MRRF: variants seen among roughly 807,000 people sequenced by gnomAD.
MRRF encodes ribosome-recycling factor, mitochondrial.
Under a neutral mutation model 25.1 loss-of-function variants are expected in MRRF, and 18 were observed. The ratio of observed to expected loss-of-function variants is 0.72; its 90% CI spans 0.50 to 1.06. The LOEUF is 1.06. MRRF is among the 50% of genes least tolerant of loss of function. The pLI is 0.00. For missense variants in MRRF, 323 were observed against 319.3 expected (o/e 1.01, Z -0.09); for synonymous variants, 113 against 112.1 (o/e 1.01, Z -0.05).
intron 4 of MRRF, among the ~76,000 whole-genome samples, chr9:122,289,569 T>A (rs915891009): frequency 6.6e-6 from 1 of 151,912 alleles, no homozygotes; most frequent in Non-Finnish European, 1.5e-5. Flanking sequence ...CAATGGAGAT[T>A]CTCTCTTTAT....
intron 2 of MRRF, among the ~76,000 whole-genome samples, chr9:122,277,445 T>C (rs1832842729): frequency 6.6e-6 from 1 of 152,228 alleles, no homozygotes; most frequent in South Asian, 2.1e-4. Context: ...TATATTCAGC[T>C]AGATTTTTAA....
At chr9:122,276,082 A>AT (rs915642629) in intron 2 of MRRF, among the ~76,000 whole-genome samples, 47 of 142,410 alleles carry the variant, frequency 3.3e-4, no homozygotes, top group East Asian at 1.4e-3. Context: ...TAATTTTTGT[A>AT]TTTTTTTTTT....
At chr9:122,300,677 C>T (rs962406285) in intron 5 of MRRF, among the ~76,000 whole-genome samples, 2 of 152,162 alleles carry the variant, frequency 1.3e-5, no homozygotes, top group Non-Finnish European at 2.9e-5. Flanking sequence ...TCCTTCTCTT[C>T]CTCACTAACC....
chr9:122,309,070 C>G (rs577780863), intron 5 of MRRF, among the ~76,000 whole-genome samples: 1 of 152,204 alleles, frequency 6.6e-6, no homozygotes, highest in Non-Finnish European at 1.5e-5. Context: ...CTGGTAACTA[C>G]TATTCTACTT....
chr9:122,307,808 G>GC (rs1181392744), intron 5 of MRRF, among the ~76,000 whole-genome samples: 2 of 152,106 alleles, frequency 1.3e-5, no homozygotes, highest in East Asian at 3.9e-4. Flanking sequence ...ACATTTTAAA[G>GC]CCCCCTTCAA....
rs1055650275 is a variant in MRRF at position 122,327,563 on chromosome 9, T to C, written c.*4946T>C. 3.3e-5 allele frequency: 5 copies of C among 152,246 alleles called. No homozygotes were observed. Among genetic ancestry groups the C allele is most frequent in the African/African-American group, 1.2e-4 (5 of 41,476 alleles). 9.4% of individuals were successfully genotyped at this position (152,246 alleles called of 1,614,324 possible). ...TAGAGTATGTTGTTTAGGTTTTCCA[T>C]TATTTTTTGACCCTTTGATGAGTCT... On this transcript the variant is annotated 3_prime_UTR_variant, in exon 7 of 7. Coordinates refer to ENST00000344641, the MANE Select transcript of MRRF (RefSeq NM_138777.5).
At chr9:122,284,734 C>G (rs1833279141) in intron 3 of MRRF, among the ~76,000 whole-genome samples, 1 of 152,150 alleles carries the variant, frequency 6.6e-6, no homozygotes, top group East Asian at 1.9e-4. Flanking sequence ...GTGAAAGCCC[C>G]TTGTACACTC....
chr9:122,291,590 G>A (rs750300569), intron 4 of MRRF, among the ~76,000 whole-genome samples, 159 bp from the exon 5 acceptor site: 1 of 152,150 alleles, frequency 6.6e-6, no homozygotes, highest in Non-Finnish European at 1.5e-5. Flanking sequence ...TATTCAGCTT[G>A]ATCAAAGCAC....
At chr9:122,293,773 T>C (rs1245969321) in intron 5 of MRRF, among the ~76,000 whole-genome samples, 2 of 152,160 alleles carry the variant, frequency 1.3e-5, no homozygotes, top group Non-Finnish European at 2.9e-5. Context: ...ATGTATGCCT[T>C]CATGGAGCTC....
chr9:122,287,146 C>G (rs1043359721), intron 4 of MRRF, among the ~76,000 whole-genome samples: 1 of 152,256 alleles, frequency 6.6e-6, no homozygotes, highest in African/African-American at 2.4e-5. Context: ...ACTAAGTTCT[C>G]CTATACAGCA....
At chr9:122,291,078 T>C (rs989746345) in intron 4 of MRRF, among the ~76,000 whole-genome samples, 1 of 152,110 alleles carries the variant, frequency 6.6e-6, no homozygotes, top group Non-Finnish European at 1.5e-5. Context: ...CTCTCTGAGG[T>C]TTAGGGACCA....
intron 5 of MRRF, among the ~76,000 whole-genome samples, chr9:122,309,979 G>A (rs1027491864): frequency 3.9e-5 from 6 of 152,138 alleles, no homozygotes; most frequent in Non-Finnish European, 8.8e-5. Context: ...AGATGCTTCA[G>A]GGCTTCCAAA....
At chr9:122,285,468 A>G in intron 4 of MRRF, 181 bp downstream of exon 4, 1 of 647,254 alleles carries the variant, frequency 1.5e-6, no homozygotes, top group East Asian at 2.9e-5. Context: ...TGTTAAACTC[A>G]GATGCTACAG....
intron 5 of MRRF, among the ~76,000 whole-genome samples, chr9:122,298,941 G>C (rs1400212666): frequency 1.3e-5 from 2 of 152,076 alleles, no homozygotes; most frequent in African/African-American, 4.8e-5. Flanking sequence ...TACTTGCAGA[G>C]AATTGAGGGA....
chr9:122,267,456 C>CCAGGCATTGTACTGTGTGT (rs1426473820), intron 1 of MRRF, among the ~76,000 whole-genome samples: 4 of 151,826 alleles, frequency 2.6e-5, no homozygotes, highest in Non-Finnish European at 5.9e-5. Context: ...CTACTGGATG[C>CCAGGCATTGTACTGTGTGT]CAGGCATTGT....
chr9:122,265,725 G>T, intron 1 of MRRF: 3 of 1,286,762 alleles, frequency 2.3e-6, no homozygotes, highest in Non-Finnish European at 3.0e-6. Context: ...TGCCGCAAAT[G>T]CTTTTTGAAT....
chr9:122,318,160 G>A (rs1835655577), intron 6 of MRRF, among the ~76,000 whole-genome samples: 1 of 151,868 alleles, frequency 6.6e-6, no homozygotes, highest in Non-Finnish European at 1.5e-5. Flanking sequence ...AGAATGAAAT[G>A]ATTCATTTGT....
intron 5 of MRRF, among the ~76,000 whole-genome samples, chr9:122,301,713 A>AAGAAT (rs1834473774): frequency 6.6e-6 from 1 of 151,620 alleles, no homozygotes; most frequent in African/African-American, 2.4e-5. Flanking sequence ...TGAGTATTCT[A>AAGAAT]TGACTTTTCT....
intron 3 of MRRF, among the ~76,000 whole-genome samples, chr9:122,281,869 T>C (rs1833109830): frequency 6.6e-6 from 1 of 152,166 alleles, no homozygotes; most frequent in Non-Finnish European, 1.5e-5. Flanking sequence ...CTGAGGGAGA[T>C]TCTCGCTGGG....
Sources: allele counts gnomAD v4.1 joint callset (sites outside exome capture counted in the v4.1 genomes callset), GRCh38; gene constraint gnomAD v4.1.1; transcripts MANE v1.5; gene names NCBI Gene and HGNC (gene_info 2026-07-23, HGNC 2026-07-21).